The following UVSSA variants were observed in gnomAD, a reference collection of about 807,000 sequenced individuals.
The protein encoded by UVSSA is UV stimulated scaffold protein A.
UVSSA carries 72 observed loss-of-function variants against 73.9 expected under a neutral mutation model. The ratio of observed to expected loss-of-function variants is 0.97; its 90% CI spans 0.81 to 1.19. UVSSA has a LOEUF of 1.19. Among genes scored for constraint, UVSSA ranks in the 50% most tolerant of loss-of-function variants. The probability of loss-of-function intolerance (pLI) is 0.00; values close to 1 mark genes in which losing one functional copy is unlikely to be tolerated. For synonymous variants in UVSSA, 454 were observed against 391.3 expected, an observed-to-expected ratio of 1.16 and a Z score of -1.89; for missense variants, 1,150 against 965.0, an observed-to-expected ratio of 1.19 and a Z score of -2.54.
intron 8 of UVSSA, among the ~76,000 whole-genome samples, chr4:1,371,766 A>G (rs551699655): frequency 4.6e-5 from 7 of 152,278 alleles, no homozygotes; most frequent in Admixed American, 2.0e-4. Flanking sequence ...GCTCCCTCCC[A>G]CCACGTGTGG....
At chr4:1,366,541 T>C in intron 8 of UVSSA, 110 bp downstream of exon 8, 1 of 743,384 alleles carries the variant, frequency 1.3e-6, no homozygotes, top group Non-Finnish European at 2.2e-6. Context: ...CATCTTGTGG[T>C]AACTGCTGCT....
rs145897251 is a variant in UVSSA at position 1,354,790 on chromosome 4, C to T, written c.990C>T (p.Arg330=). The T allele has an allele frequency of 3.4e-5, 55 of 1,613,496 alleles. No individual in the cohort carries two copies. The highest frequency in any genetic ancestry group is 1.2e-4 in the Admixed American group (7 of 59,972). Residue 330 remains arginine (R), a synonymous_variant, in exon 6 of 14, where the codon CGC becomes CGT. Transcript: ENST00000389851. ...ACCTTGCTCTCATCCACGCCGCCCG[C>T]GACACACTCAAGCTCATCCGGAACA... The part of the protein sequence containing the change: ...EDNLALIHAA[R]DTLKLIRNKF...
rs757924417 is a variant in UVSSA at position 1,353,450 on chromosome 4, G to T, written c.934+37G>T. 2.8e-6 allele frequency: 4 copies of T among 1,443,446 alleles called. No homozygotes were observed. In the South Asian group the frequency reaches 4.5e-5, roughly 16 times the overall value. 89.4% of individuals were successfully genotyped at this position (1,443,446 alleles called of 1,614,324 possible). A position where few individuals can be genotyped will look rare whatever the true frequency, so the allele number is the denominator to read the frequency against. ...CGCGGGGTCTCTGTGGCGCCACCCT[G>T]CCCCGGCTCCCGGGTAGGCTCCTCC... is the stretch of plus-strand genomic sequence containing the variant. On this transcript the variant is annotated intron_variant, in intron 5 of 13. Coordinates refer to ENST00000389851, the MANE Select transcript of UVSSA (RefSeq NM_020894.4).
intron 12 of UVSSA, 99 bp downstream of exon 12, chr4:1,381,087 T>C: frequency 8.7e-7 from 1 of 1,147,978 alleles, no homozygotes; most frequent in South Asian, 1.5e-5. Flanking sequence ...GCACCCGCTC[T>C]GCCAGCTTCG....
chr4:1,376,334 C>A, intron 10 of UVSSA, among the ~76,000 whole-genome samples, 166 bp downstream of exon 10: 1 of 152,230 alleles, frequency 6.6e-6, no homozygotes, highest in East Asian at 1.9e-4. Flanking sequence ...GTGGGCCTCC[C>A]CTGCTGATCC....
At chr4:1,345,884 C>A (rs1269083210), upstream of UVSSA, among the ~76,000 whole-genome samples, 1 of 152,060 alleles carries the variant, frequency 6.6e-6, no homozygotes, top group African/African-American at 2.4e-5. Flanking sequence ...ACAAAAAAAA[C>A]CACGCTGTAG....
intron 4 of UVSSA, among the ~76,000 whole-genome samples, chr4:1,352,223 G>T (rs966088749): frequency 2.0e-5 from 3 of 152,246 alleles, no homozygotes; most frequent in African/African-American, 7.2e-5. Context: ...TCGGCAGTCA[G>T]CCTTTCTTGT....
In UVSSA at chr4:1,354,760, G is replaced by A; in HGVS notation, c.960G>A (p.Glu320=). The A allele has an allele frequency of 1.9e-6, 3 of 1,613,630 alleles. No homozygotes were observed. The highest frequency in any genetic ancestry group is 2.5e-6 in the Non-Finnish European group (3 of 1,179,950). The change falls in exon 6 of 14, where the codon GAG becomes GAA. Residue 320 remains glutamate, a synonymous_variant. Coordinates refer to ENST00000389851, the MANE Select transcript of UVSSA (RefSeq NM_020894.4). ...CSEGLKVQEN[E]DNLALIHAAR... is the part of the protein sequence containing the mutation. ...AGGGCCTGAAGGTGCAGGAGAACGA[G>A]GACAACCTTGCTCTCATCCACGCCG...
At chr4:1,394,795 A>G (rs9328733) in exon 14 of UVSSA, 542,410 of 855,684 alleles carry the variant, frequency 0.63, 176,916 homozygotes, top group African/African-American at 0.91. Flanking sequence ...GTGGAGTGCC[A>G]CCTGCTCACA....
chr4:1,376,185 C>T lies in UVSSA; in HGVS notation c.1568+17C>T. On this transcript the variant is annotated intron_variant, in intron 10 of 13. Coordinates refer to ENST00000389851, the MANE Select transcript of UVSSA (RefSeq NM_020894.4). ...GATTGTCAAGTGAGTCCCCATGTGT[C>T]TGAAGTCGGCCAGGGCACACAACCA... 1.3e-6 allele frequency: 2 copies of T among 1,599,120 alleles called. No individual in the cohort carries two copies. Among genetic ancestry groups the T allele is most frequent in the Non-Finnish European group, 1.7e-6 (2 of 1,171,322 alleles).
At chr4:1,353,544 C>A in intron 5 of UVSSA, 131 bp downstream of exon 5, 1 of 1,272,538 alleles carries the variant, frequency 7.9e-7, no homozygotes, top group Non-Finnish European at 1.0e-6. Context: ...TCAGGGGTCA[C>A]CACCAGGTTT....
upstream of UVSSA, among the ~76,000 whole-genome samples, chr4:1,342,833 G>C (rs1713476260): frequency 6.6e-6 from 1 of 152,208 alleles, no homozygotes; most frequent in Admixed American, 6.5e-5. Flanking sequence ...CCTTCTGTTA[G>C]ACTGGCCTTT....
In UVSSA at chr4:1,358,262, G is replaced by A. The variant is rs965927350; in HGVS notation, c.1176+3017G>A. Among the ~76,000 whole-genome samples, 4 of 152,368 alleles carry A rather than the reference G, an allele frequency of 2.6e-5. No homozygotes were observed. In the East Asian group the frequency reaches 7.7e-4, roughly 29 times the overall value. The stretch of plus-strand genomic sequence containing the variant: ...GGCCAGGACTGACAGTGCTTGGAGG[G>A]CCCCTCGTCCCCTTCGACCACATGG... On this transcript the variant is annotated intron_variant, in intron 7 of 13. Coordinates refer to ENST00000389851, the MANE Select transcript of UVSSA (RefSeq NM_020894.4).
chr4:1,392,448 T>G (rs1238904003), downstream of UVSSA: 1 of 152,270 alleles, frequency 6.6e-6, no homozygotes, highest in Non-Finnish European at 1.5e-5. Flanking sequence ...CTCAAGTATT[T>G]CTTGTAGGAC....
At position 1,380,040 on chromosome 4, in the gene UVSSA, T is replaced by C. The variant is rs760583807; in HGVS notation, c.1569-7T>C. 2.5e-6 allele frequency: 4 copies of C among 1,596,720 alleles called. No individual in the cohort carries two copies. The highest frequency in any genetic ancestry group is 1.1e-5 in the South Asian group (1 of 88,802). ...GATGCTATGAGGGCCTCTGGCTGTG[T>C]CTGCAGGTCTGACTCCCAGCACCGC... is the stretch of plus-strand genomic sequence containing the variant. On this transcript the variant is annotated splice_polypyrimidine_tract_variant and splice_region_variant and intron_variant, in intron 10 of 13. Transcript: ENST00000389851.
At chr4:1,366,148 A>G in intron 7 of UVSSA, 172 bp from the exon 8 acceptor site, 1 of 586,764 alleles carries the variant, frequency 1.7e-6, no homozygotes, top group Non-Finnish European at 3.1e-6. Context: ...TTTGGGGAAC[A>G]AGAACAGCCT....
chr4:1,353,340 C>T lies in UVSSA; in HGVS notation c.861C>T (p.Ser287=), dbSNP rs146539928. 3.7e-5 allele frequency: 60 copies of T among 1,610,552 alleles called. No homozygotes were observed. Among genetic ancestry groups the T allele is most frequent in the African/African-American group, 9.3e-5 (7 of 74,902 alleles). Residue 287 remains serine (S), a synonymous_variant, in exon 5 of 14, where the codon AGC becomes AGT. Transcript: ENST00000389851. ...TGDPSDEDED[S]DLEEFVRSHG... is the part of the protein sequence containing the mutation. ...ACCCCTCAGATGAGGACGAGGACAG[C>T]GACCTCGAGGAGTTTGTGCGGAGCC...
Position 1,380,134 on chromosome 4 carries a change from C to T in UVSSA, c.1656C>T (p.Arg552=). 1 of 1,613,300 alleles carries T rather than the reference C, an allele frequency of 6.2e-7. No individual in the cohort carries two copies. The highest frequency in any genetic ancestry group is 8.5e-7 in the Non-Finnish European group (1 of 1,180,016). The change falls in exon 11 of 14, where the codon CGC becomes CGT. Residue 552 remains arginine, a synonymous_variant. Coordinates refer to ENST00000389851, the MANE Select transcript of UVSSA (RefSeq NM_020894.4). ...NADISEMLRS[R]HITFAGKFEP... is the part of the protein sequence containing the mutation. ...ACATCTCCGAGATGCTCCGGAGCCG[C>T]CACATCACTTTTGCCGGGAAGTTTG...
At chr4:1,392,931 C>G (rs1189905112), downstream of UVSSA, 1 of 152,214 alleles carries the variant, frequency 6.6e-6, no homozygotes, top group African/African-American at 2.4e-5. Context: ...CATGGTTCTG[C>G]TGACACACAG....
Sources: allele counts gnomAD v4.1 joint callset (sites outside exome capture counted in the v4.1 genomes callset), GRCh38; gene constraint gnomAD v4.1.1; transcripts MANE v1.5; gene names NCBI Gene and HGNC (gene_info 2026-07-23, HGNC 2026-07-21).